The following USP37 variants were observed in gnomAD, a reference collection of about 807,000 sequenced individuals.
The protein encoded by USP37 is ubiquitin specific peptidase 37, also known as ubiquitin carboxyl-terminal hydrolase 37.
USP37 carries 27 observed loss-of-function variants against 124.0 expected under a neutral mutation model. That is an observed-to-expected ratio of 0.22 (90% CI 0.16 to 0.30). The LOEUF (loss-of-function observed/expected upper bound fraction) is 0.30, where lower values mean the gene tolerates loss of function less well. USP37 is among the 10% of genes least tolerant of loss of function. USP37 has a pLI of 1.00. For missense variants in USP37, 889 were observed against 1,140.4 expected (o/e 0.78, Z 3.17); for synonymous variants, 365 against 388.0 (o/e 0.94, Z 0.70).
At position 218,546,924 on chromosome 2, in the gene USP37, T is replaced by C; in HGVS notation, c.597A>G (p.Glu199=). Residue 199 remains glutamate, a synonymous_variant, in exon 7 of 26, where the codon GAA becomes GAG. Transcript: ENST00000258399. The part of the protein sequence containing the change: ...TSTPLRSGLL[E]NRTEKRKRMI... Reference sequence around the variant, plus strand: ...AAGAAAAAAGTCTCTCCTACCGATTTTCTAGCAACCCTGATCTAAGAGGTG... The same window carrying C: ...AAGAAAAAAGTCTCTCCTACCGATTCTCTAGCAACCCTGATCTAAGAGGTG... The C allele has an allele frequency of 6.2e-7, 1 of 1,606,750 alleles. No homozygotes were observed. Among genetic ancestry groups the C allele is most frequent in the Non-Finnish European group, 8.5e-7 (1 of 1,178,352 alleles).
chr2:218,482,585 AG>A (rs1323057816), intron 16 of USP37, among the ~76,000 whole-genome samples: 2 of 152,228 alleles, frequency 1.3e-5, no homozygotes, highest in African/African-American at 4.8e-5. Flanking sequence ...AAAAAGCAAT[AG>A]GTTTTATATA....
chr2:218,546,449 G>A (rs961575477), intron 7 of USP37, 151 bp from the exon 8 acceptor site: 5 of 624,144 alleles, frequency 8.0e-6, no homozygotes, highest in South Asian at 2.1e-5. Context: ...AGACAGTCTC[G>A]CTCTGTCACC....
rs1490024991 is a variant in USP37, at chr2:218,497,748, C to T, written c.1267G>A (p.Gly423Ser). 6.2e-7 allele frequency: 1 copy of T among 1,613,988 alleles called. No individual in the cohort carries two copies. Among genetic ancestry groups the T allele is most frequent in the Non-Finnish European group, 8.5e-7 (1 of 1,179,978 alleles). Residue 423 changes from glycine to serine, a missense_variant, in exon 13 of 26, where the codon GGT becomes AGT. Transcript: ENST00000258399. The part of the protein sequence containing the change: ...AISATAERFS[G>S]YMQNDAHEFL... Reference sequence around the variant, plus strand: ...TTAATACTCACATTCTGCATATAACCAGAGAATCTCTCTGCTGTAGCTGAA... The same window carrying T: ...TTAATACTCACATTCTGCATATAACTAGAGAATCTCTCTGCTGTAGCTGAA...
chr2:218,490,136 G>A (rs1050640143), intron 14 of USP37, among the ~76,000 whole-genome samples: 4 of 152,162 alleles, frequency 2.6e-5, no homozygotes, highest in Non-Finnish European at 5.9e-5. Flanking sequence ...CGGATCACGA[G>A]ATCAGGAAAT....
At chr2:218,528,813 A>G in intron 10 of USP37, 1 of 333,314 alleles carries the variant, frequency 3.0e-6, no homozygotes, top group African/African-American at 4.2e-5. Context: ...GAAAAAAAAA[A>G]AAAAAAAAAA....
At chr2:218,463,004 C>A (rs1428511773) in intron 22 of USP37, among the ~76,000 whole-genome samples, 2 of 151,910 alleles carry the variant, frequency 1.3e-5, no homozygotes, top group African/African-American at 4.8e-5. Context: ...CCCGTCTCTA[C>A]TGAAAATACA....
chr2:218,548,046 G>C (rs1045013783), intron 6 of USP37, among the ~76,000 whole-genome samples: 1 of 152,112 alleles, frequency 6.6e-6, no homozygotes, highest in African/African-American at 2.4e-5. Flanking sequence ...ACTTCTAAGA[G>C]CATCTGAATG....
intron 9 of USP37, among the ~76,000 whole-genome samples, chr2:218,532,444 G>A (rs1252549477): frequency 6.8e-6 from 1 of 147,482 alleles, no homozygotes; most frequent in Non-Finnish European, 1.5e-5. Context: ...TCCAGCCTGG[G>A]CGACAGAGCA....
At chr2:218,464,933 G>A (rs1690229280) in intron 21 of USP37, among the ~76,000 whole-genome samples, 1 of 151,508 alleles carries the variant, frequency 6.6e-6, no homozygotes, top group African/African-American at 2.4e-5. Flanking sequence ...ATAAAAAAAT[G>A]AGCCGGGCAT....
Position 218,546,901 on chromosome 2 carries a change from GA to G in USP37, c.602+17del. The G allele has an allele frequency of 6.2e-7, 1 of 1,600,906 alleles. No individual in the cohort carries two copies. The highest frequency in any genetic ancestry group is 1.4e-5 in the African/African-American group (1 of 74,026). ...ATTTACAGATACAGCTAGTGACTAAGAAAAAAGTCTCTCCTACCGATTTTCT... is the reference window on the plus strand; with the variant it reads ...ATTTACAGATACAGCTAGTGACTAAGAAAAAGTCTCTCCTACCGATTTTCT... On this transcript the variant is annotated intron_variant, in intron 7 of 25. Coordinates refer to ENST00000258399, the MANE Select transcript of USP37 (RefSeq NM_020935.3).
At chr2:218,486,412 GATTT>G (rs1691559456) in intron 15 of USP37, 2 of 152,184 alleles carry the variant, frequency 1.3e-5, no homozygotes, top group Non-Finnish European at 2.9e-5. Flanking sequence ...TTAATAAACA[GATTT>G]TTTTGTCTGT....
chr2:218,495,714 G>T, intron 14 of USP37, 46 bp downstream of exon 14: 1 of 1,537,958 alleles, frequency 6.5e-7, no homozygotes, highest in Non-Finnish European at 8.8e-7. Context: ...TTAATCACTT[G>T]CCATAAAGAA....
At chr2:218,516,627 C>G (rs1046508930) in intron 10 of USP37, among the ~76,000 whole-genome samples, 1 of 152,060 alleles carries the variant, frequency 6.6e-6, no homozygotes, top group African/African-American at 2.4e-5. Context: ...TTGATAGGTG[C>G]AGCAAACTAC....
At chr2:218,490,072 C>T (rs2105982685) in intron 14 of USP37, among the ~76,000 whole-genome samples, 1 of 152,250 alleles carries the variant, frequency 6.6e-6, no homozygotes, top group East Asian at 1.9e-4. Flanking sequence ...ACATGTTTGG[C>T]CAGGCACAAT....
In USP37 at chr2:218,537,490, C is replaced by T. The variant is rs560489650; in HGVS notation, c.681-2784G>A. ...CCAAACCATCTACTGACTACAGAGG[C>T]GTAACAAAATTAGAATCCAGGTACT... On this transcript the variant is annotated intron_variant, in intron 8 of 25. Coordinates refer to ENST00000258399, the MANE Select transcript of USP37 (RefSeq NM_020935.3). 1.5e-3 allele frequency among the ~76,000 whole-genome samples: 236 copies of T among 152,258 alleles called. 6 individuals are homozygous for T. In the South Asian group the frequency reaches 0.048, roughly 31 times the overall value.
chr2:218,544,035 A>G (rs1004008075), intron 8 of USP37, among the ~76,000 whole-genome samples: 2 of 152,028 alleles, frequency 1.3e-5, no homozygotes, highest in Non-Finnish European at 2.9e-5. Flanking sequence ...GGAACATTCT[A>G]TGTTATCTTT....
intron 9 of USP37, among the ~76,000 whole-genome samples, chr2:218,533,079 T>C (rs766806452): frequency 1.3e-5 from 2 of 152,194 alleles, no homozygotes; most frequent in East Asian, 1.9e-4. Context: ...GCTTTATTTA[T>C]GTGGTCTGGA....
intron 15 of USP37, 126 bp downstream of exon 15, chr2:218,488,175 CAAA>C (rs66581703): frequency 0.12 from 41,579 of 343,488 alleles, 8 homozygotes; most frequent in East Asian, 0.16. Context: ...GACCCTGTCT[CAAA>C]AAAAAAAAAA....
chr2:218,513,754 C>A (rs1306063151), intron 10 of USP37, among the ~76,000 whole-genome samples: 1 of 152,212 alleles, frequency 6.6e-6, no homozygotes, highest in East Asian at 1.9e-4. Context: ...TATTGCTAGA[C>A]AGCATTCCAT....
Sources: gnomAD v4.1 joint callset for allele counts (sites outside exome capture counted in the v4.1 genomes callset) on GRCh38, gnomAD v4.1.1 for gene constraint, MANE v1.5 for transcripts, NCBI Gene and HGNC (gene_info 2026-07-23, HGNC 2026-07-21) for gene names.